Variants in KLF8 observed in about 807,000 individuals in gnomAD.
KLF8 encodes the protein KLF transcription factor 8.
Under a neutral mutation model 18.2 loss-of-function variants are expected in KLF8, and 10 were observed. The observed-to-expected ratio is 0.55, with a 90% CI of 0.34 to 0.93. The LOEUF is 0.93. Ranked by LOEUF, KLF8 falls within the 40% of genes least tolerant of loss-of-function variation. The pLI is 0.02. For missense variants in KLF8, 264 were observed against 277.9 expected (o/e 0.95, Z 0.36); for synonymous variants, 109 against 97.3 (o/e 1.12, Z -0.71).
At chrX:56,197,162 C>A in the KLF8 span, among the ~76,000 whole-genome samples, 1 of 111,144 alleles carries the variant, frequency 9.0e-6, no homozygotes, top group African/African-American at 3.3e-5. Context: ...AAATTTGACA[C>A]CCTAACATCA....
chrX:55,986,942 A>G, the KLF8 span, among the ~76,000 whole-genome samples: 8 of 111,760 alleles, frequency 7.2e-5, no homozygotes, highest in Admixed American at 2.9e-4. Flanking sequence ...AAGTTTCTGC[A>G]AGGGGCATGA....
chrX:56,241,007 A>G (rs766970139), intron 1 of KLF8, among the ~76,000 whole-genome samples: 4 of 111,970 alleles, frequency 3.6e-5, no homozygotes, highest in Non-Finnish European at 7.5e-5. Context: ...AAAAAAAGAA[A>G]TGCCATGAAA....
At chrX:56,170,047 G>A in the KLF8 span, among the ~76,000 whole-genome samples, 1 of 110,817 alleles carries the variant, frequency 9.0e-6, no homozygotes, top group African/African-American at 3.3e-5. Context: ...TCTCTGCCTG[G>A]TAATCAATAG....
the KLF8 span, among the ~76,000 whole-genome samples, chrX:56,213,314 CTTTTTTTTTT>C: frequency 8.3e-5 from 1 of 12,016 alleles, no homozygotes; most frequent in East Asian, 2.5e-3. Flanking sequence ...CTTTTCTTTT[CTTTTTTTTTT>C]TTTTTTTTTT....
the KLF8 span, among the ~76,000 whole-genome samples, chrX:55,959,976 T>C: frequency 4.6e-3 from 507 of 109,099 alleles, 1 homozygote; most frequent in Middle Eastern, 0.068. Context: ...AAGAAAAAAA[T>C]CACAAACGCA....
chrX:56,156,771 G>A, the KLF8 span, among the ~76,000 whole-genome samples: 2 of 93,657 alleles, frequency 2.1e-5, no homozygotes, highest in Non-Finnish European at 4.1e-5. Context: ...CTGTGCCCAT[G>A]TGTTCGTATT....
chrX:55,963,440 T>C, the KLF8 span, among the ~76,000 whole-genome samples: 9 of 111,715 alleles, frequency 8.1e-5, no homozygotes, highest in African/African-American at 2.9e-4. Flanking sequence ...CTTTATGTGC[T>C]GCCAGCTGGG....
At chrX:56,084,042 G>C in the KLF8 span, among the ~76,000 whole-genome samples, 2 of 111,334 alleles carry the variant, frequency 1.8e-5, no homozygotes, top group Non-Finnish European at 3.8e-5. Flanking sequence ...ACAAATGAGA[G>C]GGGCCTATCT....
the KLF8 span, among the ~76,000 whole-genome samples, chrX:56,189,816 A>G: frequency 1.0e-5 from 1 of 95,480 alleles, no homozygotes; most frequent in Non-Finnish European, 2.1e-5. Context: ...TGGGAATTGA[A>G]CAATGAGATC....
At chrX:56,002,866 AACAAGTACAAAGT>A in the KLF8 span, among the ~76,000 whole-genome samples, 1 of 112,154 alleles carries the variant, frequency 8.9e-6, no homozygotes, top group Non-Finnish European at 1.9e-5. Context: ...CAAAGAGAGT[AACAAGTACAAAGT>A]ACTTGATGTT....
chrX:56,055,369 G>C, the KLF8 span, among the ~76,000 whole-genome samples: 1 of 111,689 alleles, frequency 9.0e-6, no homozygotes, highest in Non-Finnish European at 1.9e-5. Flanking sequence ...TTCTGTGTTG[G>C]AGTTTATTTT....
the KLF8 span, among the ~76,000 whole-genome samples, chrX:55,962,923 T>A: frequency 8.9e-6 from 1 of 112,689 alleles, no homozygotes; most frequent in African/African-American, 3.2e-5. Flanking sequence ...GCACTGTGTC[T>A]GTCCTCCCAT....
At chrX:55,942,125 C>T in the KLF8 span, among the ~76,000 whole-genome samples, 3 of 111,333 alleles carry the variant, frequency 2.7e-5, no homozygotes, top group Non-Finnish European at 5.7e-5. Context: ...GCCAAATGTC[C>T]AACAATGATA....
the KLF8 span, among the ~76,000 whole-genome samples, chrX:56,172,252 C>T: frequency 9.0e-6 from 1 of 110,905 alleles, no homozygotes; most frequent in African/African-American, 3.3e-5. Context: ...TGCTATCCCT[C>T]TCCTTTCCCA....
At chrX:56,108,127 T>C in the KLF8 span, among the ~76,000 whole-genome samples, 1 of 111,993 alleles carries the variant, frequency 8.9e-6, no homozygotes, top group Non-Finnish European at 1.9e-5. Context: ...AGATTTTCTA[T>C]ATACAGGATT....
At chrX:56,109,567 T>C in the KLF8 span, among the ~76,000 whole-genome samples, 1 of 111,276 alleles carries the variant, frequency 9.0e-6, no homozygotes. Flanking sequence ...AAATGTTCGA[T>C]TATTATTGAA....
At chrX:56,168,088 A>G in the KLF8 span, among the ~76,000 whole-genome samples, 12 of 112,006 alleles carry the variant, frequency 1.1e-4, no homozygotes, top group Admixed American at 1.9e-4. Context: ...AACAATGGAA[A>G]ATTGGTGAAA....
the KLF8 span, among the ~76,000 whole-genome samples, chrX:56,179,528 T>C: frequency 0.012 from 1,308 of 112,168 alleles, 4 homozygotes; most frequent in Middle Eastern, 0.018. Flanking sequence ...CAACACTATG[T>C]TGAATAGGAG....
chrX:56,057,038 G>A, the KLF8 span, among the ~76,000 whole-genome samples: 6 of 75,359 alleles, frequency 8.0e-5, no homozygotes, highest in African/African-American at 1.7e-4. Flanking sequence ...TGCTAACAGG[G>A]GCTTGGGGGA....
Sources: allele counts gnomAD v4.1 joint callset (sites outside exome capture counted in the v4.1 genomes callset), GRCh38; gene constraint gnomAD v4.1.1; transcripts MANE v1.5; gene names NCBI Gene and HGNC (gene_info 2026-07-23, HGNC 2026-07-21).